Variants in CRIM1 observed in about 807,000 individuals in gnomAD.
The protein encoded by CRIM1 is cysteine-rich motor neuron 1 protein.
In CRIM1, 32 loss-of-function variants were observed where a neutral mutation model predicts 116.4. The observed-to-expected ratio is 0.27, with a 90% CI of 0.21 to 0.37. The LOEUF is 0.37. Among genes scored for constraint, CRIM1 ranks in the 10% least tolerant of loss-of-function variants. The pLI is 1.00. For synonymous variants in CRIM1, 590 were observed against 509.2 expected (o/e 1.16, Z -2.13); for missense variants, 1,331 against 1,354.8 (o/e 0.98, Z 0.28).
Position 36,548,809 on chromosome 2 carries a change from C to A in CRIM1, c.*108C>A. 1.1e-6 allele frequency: 1 copy of A among 917,796 alleles called. No homozygotes were observed. Among genetic ancestry groups the A allele is most frequent in the Non-Finnish European group, 1.6e-6 (1 of 606,880 alleles). 56.9% of individuals were successfully genotyped at this position (917,796 alleles called of 1,614,324 possible). A position where few individuals can be genotyped will look rare whatever the true frequency, so the allele number is the denominator to read the frequency against. ...CTTAGTGGATTGTATTGGATTGTGA[C>A]TTGATGTACAGCGCTAAGACCTTAC... On this transcript the variant is annotated 3_prime_UTR_variant, in exon 17 of 17. Coordinates refer to ENST00000280527, the MANE Select transcript of CRIM1 (RefSeq NM_016441.3).
chr2:36,470,585 G>T (rs926105874), intron 5 of CRIM1, among the ~76,000 whole-genome samples: 1 of 152,176 alleles, frequency 6.6e-6, no homozygotes, highest in African/African-American at 2.4e-5. Context: ...ATGGTTTATT[G>T]ATTATTTTAA....
chr2:36,404,289 C>A (rs937567677), intron 2 of CRIM1, among the ~76,000 whole-genome samples: 1 of 151,966 alleles, frequency 6.6e-6, no homozygotes, highest in Non-Finnish European at 1.5e-5. Context: ...ATTTATACTC[C>A]CTTGTTCAAA....
chr2:36,509,505 T>C (rs145229119), intron 8 of CRIM1, among the ~76,000 whole-genome samples: 74 of 152,314 alleles, frequency 4.9e-4, no homozygotes, highest in Non-Finnish European at 8.1e-4. Context: ...CCAGTCTAAA[T>C]GACAGAGCGA....
intron 4 of CRIM1, among the ~76,000 whole-genome samples, chr2:36,454,195 A>C (rs1243396451): frequency 1.3e-5 from 2 of 152,268 alleles, no homozygotes; most frequent in South Asian, 2.1e-4. Flanking sequence ...CTCTCAGTAC[A>C]TAGTGTACTT....
intron 14 of CRIM1, among the ~76,000 whole-genome samples, chr2:36,540,908 C>G (rs952295345): frequency 6.6e-6 from 1 of 152,194 alleles, no homozygotes; most frequent in African/African-American, 2.4e-5. Flanking sequence ...ACAGATATTG[C>G]TAACATCCTT....
At chr2:36,510,231 A>C in intron 9 of CRIM1, 92 bp downstream of exon 9, 1 of 1,263,042 alleles carries the variant, frequency 7.9e-7, no homozygotes, top group East Asian at 2.4e-5. Flanking sequence ...TTGTGAATTA[A>C]TCTATGGTAT....
rs761885765 is a variant in CRIM1 at position 36,544,373 on chromosome 2, T to C, written c.2624-3T>C. ...TCTTAGGAAAAATGTTCCCTTCTTT[T>C]AGAAATGTATGTCCCAGAACCAACC... is the stretch of plus-strand genomic sequence containing the variant. On this transcript the variant is annotated splice_polypyrimidine_tract_variant and splice_region_variant and intron_variant, in intron 14 of 16. Coordinates refer to ENST00000280527, the MANE Select transcript of CRIM1 (RefSeq NM_016441.3). 43 of 1,344,714 alleles carry C rather than the reference T, an allele frequency of 3.2e-5. No individual in the cohort carries two copies. The highest frequency in any genetic ancestry group is 4.0e-5 in the Non-Finnish European group (42 of 1,038,218). The allele number at this position is 1,344,714 out of a possible 1,614,324, so 83.3% of individuals were successfully genotyped here.
At chr2:36,428,991 C>T (rs1424048144) in intron 2 of CRIM1, among the ~76,000 whole-genome samples, 1 of 152,188 alleles carries the variant, frequency 6.6e-6, no homozygotes, top group Non-Finnish European at 1.5e-5. Flanking sequence ...CTCCTTTTCC[C>T]ATAATGCTGT....
intron 8 of CRIM1, among the ~76,000 whole-genome samples, chr2:36,504,446 CAT>C (rs757585500): frequency 3.3e-5 from 5 of 152,140 alleles, no homozygotes; most frequent in South Asian, 4.1e-4. Context: ...CCTATAGAAA[CAT>C]GTGCTTCAAA....
chr2:36,476,939 A>G lies in CRIM1; in HGVS notation c.1042A>G (p.Met348Val). 6.2e-7 allele frequency: 1 copy of G among 1,614,122 alleles called. No individual in the cohort carries two copies. Among genetic ancestry groups the G allele is most frequent in the Non-Finnish European group, 8.5e-7 (1 of 1,179,966 alleles). The change falls in exon 6 of 17, where the codon ATG becomes GTG. Residue 348 changes from methionine to valine, a missense_variant. By Grantham distance (21) the Met-to-Val change is conservative. Around this residue, in one of 3 missense-constraint regions of CRIM1, gnomAD observed 690 missense variants for 676.0 expected, o/e 1.02. Transcript: ENST00000280527. ...FNNVEYYDGD[M>V]FRMDNCRFCR... is the part of the protein sequence containing the mutation. ...CAATGTGGAATATTATGATGGAGAC[A>G]TGTTTCGAATGGACAACTGTCGGTT...
intron 2 of CRIM1, among the ~76,000 whole-genome samples, chr2:36,440,567 G>A (rs1338440704): frequency 2.6e-5 from 4 of 152,136 alleles, no homozygotes; most frequent in South Asian, 2.1e-4. Context: ...TTTATTTTTC[G>A]CATCTCTAAA....
chr2:36,376,703 C>T (rs1191701174), intron 1 of CRIM1, among the ~76,000 whole-genome samples: 1 of 152,194 alleles, frequency 6.6e-6, no homozygotes, highest in Non-Finnish European at 1.5e-5. Context: ...TTGTCTGGAT[C>T]TCCTTTAGTG....
chr2:36,449,370 C>CCT (rs1359205245), intron 4 of CRIM1, among the ~76,000 whole-genome samples: 1 of 152,164 alleles, frequency 6.6e-6, no homozygotes, highest in Non-Finnish European at 1.5e-5. Context: ...ACCACCAGGC[C>CCT]CTCTCCAGTC....
At chr2:36,473,269 G>A (rs1178457860) in intron 5 of CRIM1, among the ~76,000 whole-genome samples, 1 of 152,158 alleles carries the variant, frequency 6.6e-6, no homozygotes, top group African/African-American at 2.4e-5. Context: ...CTTGAAAGAT[G>A]GGGATATCAT....
At chr2:36,528,957 C>T (rs929868450) in intron 13 of CRIM1, among the ~76,000 whole-genome samples, 13 of 152,108 alleles carry the variant, frequency 8.5e-5, no homozygotes, top group Admixed American at 7.2e-4. Flanking sequence ...CTTTCCAGGC[C>T]CCCGGCTGTG....
At chr2:36,404,536 A>G (rs1240444123) in intron 2 of CRIM1, among the ~76,000 whole-genome samples, 1 of 152,174 alleles carries the variant, frequency 6.6e-6, no homozygotes, top group Non-Finnish European at 1.5e-5. Flanking sequence ...TCATGCATTT[A>G]TTCATGTATT....
At chr2:36,445,086 T>C (rs564363144) in intron 4 of CRIM1, among the ~76,000 whole-genome samples, 1 of 152,334 alleles carries the variant, frequency 6.6e-6, no homozygotes, top group African/African-American at 2.4e-5. Context: ...AAATATAATG[T>C]GTCAGCCCAC....
intron 4 of CRIM1, among the ~76,000 whole-genome samples, chr2:36,457,756 TA>T (rs1339050686): frequency 3.5e-3 from 507 of 144,426 alleles, no homozygotes; most frequent in African/African-American, 9.9e-3. Flanking sequence ...TTGCAGCCTT[TA>T]AAAAAAAAAA....
chr2:36,544,339 TTCA>T, intron 14 of CRIM1, 34 bp from the exon 15 acceptor site: 2 of 1,314,238 alleles, frequency 1.5e-6, no homozygotes, highest in Non-Finnish European at 2.0e-6. Flanking sequence ...ATACAGCAGC[TTCA>T]TCATCTCTTA....
Sources: gnomAD v4.1 joint callset for allele counts (sites outside exome capture counted in the v4.1 genomes callset) on GRCh38, gnomAD v4.1.1 for gene constraint, gnomAD v4.1.1 regional missense constraint, MANE v1.5 for transcripts, NCBI Gene and HGNC (gene_info 2026-07-23, HGNC 2026-07-21) for gene names.